The following MSH3 variants were observed in gnomAD, a reference collection of about 807,000 sequenced individuals.
MSH3 encodes mutS homolog 3.
Under a neutral mutation model 123.3 loss-of-function variants are expected in MSH3, and 106 were observed. That is an observed-to-expected ratio of 0.86 (90% CI 0.73 to 1.01). The LOEUF is 1.01. Ranked by LOEUF, MSH3 falls within the 50% of genes least tolerant of loss-of-function variation. MSH3 has a pLI of 0.00. For synonymous variants in MSH3, 515 were observed against 481.4 expected, an observed-to-expected ratio of 1.07 and a Z score of -0.91; for missense variants, 1,459 against 1,347.6, an observed-to-expected ratio of 1.08 and a Z score of -1.29.
At chr5:80,665,701 T>C (rs1034993758) in intron 3 of MSH3, among the ~76,000 whole-genome samples, 3 of 152,222 alleles carry the variant, frequency 2.0e-5, no homozygotes, top group Non-Finnish European at 4.4e-5. Context: ...AGAGTTTCCA[T>C]GATTACCGTG....
chr5:80,689,616 A>C (rs1387536248), intron 8 of MSH3, among the ~76,000 whole-genome samples: 1 of 152,154 alleles, frequency 6.6e-6, no homozygotes, highest in Non-Finnish European at 1.5e-5. Context: ...AATAAAATAT[A>C]AATGAATGAT....
Position 80,742,229 on chromosome 5 carries a change from C to T in MSH3, c.1653+681C>T, listed in dbSNP as rs369101425. 4.4e-3 allele frequency among the ~76,000 whole-genome samples: 663 copies of T among 152,236 alleles called. 11 individuals are homozygous for T. The highest frequency in any genetic ancestry group is 0.013 in the South Asian group (61 of 4,828). On this transcript the variant is annotated intron_variant, in intron 11 of 23. Transcript: ENST00000265081. ...TTCGCCATATTGGCCAGGCTGGTCT[C>T]GAACTGTTGACCTCAGGTGATCCAC...
intron 15 of MSH3, among the ~76,000 whole-genome samples, chr5:80,774,311 T>A (rs546398493): frequency 1.3e-5 from 2 of 151,504 alleles, no homozygotes; most frequent in Non-Finnish European, 2.9e-5. Context: ...CAAATGTTGA[T>A]GAGGATGTGG....
chr5:80,807,247 CAT>C (rs1373327460), intron 19 of MSH3, among the ~76,000 whole-genome samples: 1 of 140,510 alleles, frequency 7.1e-6, no homozygotes, highest in Non-Finnish European at 1.5e-5. Flanking sequence ...AGTGAAATGA[CAT>C]ATAATGAAAC....
In MSH3 at chr5:80,678,943, C is replaced by T. The variant is rs773157190; in HGVS notation, c.1190C>T (p.Thr397Ile). The T allele has an allele frequency of 2.5e-6, 4 of 1,614,016 alleles. No individual in the cohort carries two copies. The highest frequency in any genetic ancestry group is 8.5e-7 in the Non-Finnish European group (1 of 1,180,022). Reference protein sequence around the residue: ...FIGIVGVQPATGEVVFDSFQD... With the variant: ...FIGIVGVQPAIGEVVFDSFQD... ...TGTTTTTAGGGAGTGCAGCCTGCCA[C>T]AGGCGAGGTTGTGTTTGATAGTTTC... is the stretch of plus-strand genomic sequence containing the variant. Residue 397 changes from threonine to isoleucine, a missense_variant, in exon 8 of 24, where the codon ACA becomes ATA. Thr to Ile is a moderately conservative substitution (Grantham distance 89). Transcript: ENST00000265081.
At chr5:80,655,651 A>G (rs980223512) in intron 1 of MSH3, 5 of 181,318 alleles carry the variant, frequency 2.8e-5, no homozygotes, top group African/African-American at 9.4e-5. Context: ...CACTTGGGTC[A>G]CCTGCACAGT....
intron 10 of MSH3, among the ~76,000 whole-genome samples, chr5:80,730,807 C>CT (rs1162463306): frequency 6.7e-6 from 1 of 150,034 alleles, no homozygotes; most frequent in Admixed American, 6.6e-5. Flanking sequence ...GATAAGGAAA[C>CT]TAACTTAGAA....
intron 20 of MSH3, among the ~76,000 whole-genome samples, chr5:80,818,890 T>C (rs1458757547): frequency 1.3e-5 from 2 of 152,240 alleles, no homozygotes; most frequent in Non-Finnish European, 2.9e-5. Context: ...TATAAGTTTT[T>C]TTGTTATTGT....
chr5:80,842,020 A>C (rs1745634240), intron 20 of MSH3, among the ~76,000 whole-genome samples: 1 of 152,164 alleles, frequency 6.6e-6, no homozygotes, highest in Admixed American at 6.6e-5. Context: ...GTTTTCTTCT[A>C]GGGTTTTTAT....
chr5:80,749,852 T>C (rs1021330722), intron 12 of MSH3, among the ~76,000 whole-genome samples: 13 of 152,196 alleles, frequency 8.5e-5, no homozygotes, highest in Admixed American at 7.9e-4. Flanking sequence ...TTGACCAGCA[T>C]CTCTCTTTTC....
At chr5:80,665,437 G>C in intron 3 of MSH3, 74 bp downstream of exon 3, 3 of 1,105,956 alleles carry the variant, frequency 2.7e-6, no homozygotes, top group Non-Finnish European at 4.0e-6. Flanking sequence ...GTTCTCTGAG[G>C]TCATTCATGG....
At chr5:80,794,929 G>A (rs1196221448) in intron 19 of MSH3, among the ~76,000 whole-genome samples, 6 of 152,150 alleles carry the variant, frequency 3.9e-5, no homozygotes, top group East Asian at 1.9e-4. Flanking sequence ...AAAGGTCAGC[G>A]CCCAAATGAG....
At chr5:80,699,203 A>G (rs915990162) in intron 8 of MSH3, among the ~76,000 whole-genome samples, 8 of 152,228 alleles carry the variant, frequency 5.3e-5, no homozygotes, top group Non-Finnish European at 8.8e-5. Context: ...AATAAAGAGA[A>G]TAATGGGTAT....
At chr5:80,704,458 G>T (rs1750675998) in intron 8 of MSH3, among the ~76,000 whole-genome samples, 1 of 152,188 alleles carries the variant, frequency 6.6e-6, no homozygotes, top group Non-Finnish European at 1.5e-5. Flanking sequence ...CAGGTGCTTA[G>T]TGAGTGAAGC....
At chr5:80,706,638 G>A (rs1465204505) in intron 8 of MSH3, among the ~76,000 whole-genome samples, 1 of 152,024 alleles carries the variant, frequency 6.6e-6, no homozygotes, top group Non-Finnish European at 1.5e-5. Flanking sequence ...TTATCATCTC[G>A]AAGCATGTAA....
intron 8 of MSH3, among the ~76,000 whole-genome samples, chr5:80,690,546 G>A (rs1416530223): frequency 6.6e-6 from 1 of 151,998 alleles, no homozygotes; most frequent in Admixed American, 6.6e-5. Context: ...TCGAACTCCT[G>A]ACCTCAAATG....
chr5:80,812,479 C>T (rs1745024703), intron 19 of MSH3, among the ~76,000 whole-genome samples: 2 of 152,088 alleles, frequency 1.3e-5, no homozygotes, highest in Admixed American at 6.6e-5. Flanking sequence ...CTTCAAGTTA[C>T]CAAGTAATTG....
At chr5:80,840,026 C>T (rs993150066) in intron 20 of MSH3, among the ~76,000 whole-genome samples, 1 of 152,156 alleles carries the variant, frequency 6.6e-6, no homozygotes, top group Non-Finnish European at 1.5e-5. Context: ...TAACCTTTTG[C>T]TATAAAATAT....
chr5:80,792,122 T>G (rs1744616625), intron 18 of MSH3, among the ~76,000 whole-genome samples: 1 of 152,232 alleles, frequency 6.6e-6, no homozygotes, highest in Non-Finnish European at 1.5e-5. Context: ...TAATTACATC[T>G]AGAAATAATT....
Sources: gnomAD v4.1 joint callset for allele counts (sites outside exome capture counted in the v4.1 genomes callset) on GRCh38, gnomAD v4.1.1 for gene constraint, MANE v1.5 for transcripts, NCBI Gene and HGNC (gene_info 2026-07-23, HGNC 2026-07-21) for gene names.